The following UBE3B variants were observed in gnomAD, a reference collection of about 807,000 sequenced individuals.
The protein encoded by UBE3B is ubiquitin protein ligase E3B.
A neutral mutation model predicts 132.3 loss-of-function variants in UBE3B; 80 were observed. The ratio of observed to expected loss-of-function variants is 0.60; its 90% CI spans 0.50 to 0.73. The LOEUF (loss-of-function observed/expected upper bound fraction) is 0.73. Ranked by LOEUF, UBE3B falls within the 30% of genes least tolerant of loss-of-function variation. The probability of loss-of-function intolerance (pLI) is 0.00; values close to 1 mark genes in which losing one functional copy is unlikely to be tolerated. For synonymous variants in UBE3B, 487 were observed against 520.4 expected, an observed-to-expected ratio of 0.94 and a Z score of 0.87; for missense variants, 1,196 against 1,362.5, an observed-to-expected ratio of 0.88 and a Z score of 1.92.
the UBE3B span, among the ~76,000 whole-genome samples, chr12:109,543,556 A>C: frequency 1.3e-5 from 2 of 152,190 alleles, no homozygotes; most frequent in Non-Finnish European, 2.9e-5. Flanking sequence ...AGGATGCAGG[A>C]GGCTGGGCGT....
At chr12:109,539,364 C>G (rs1465592513), downstream of UBE3B, among the ~76,000 whole-genome samples, 1 of 152,248 alleles carries the variant, frequency 6.6e-6, no homozygotes, top group South Asian at 2.1e-4. Context: ...CTGACTGTTA[C>G]ACTTGTTGAG....
At chr12:109,517,169 G>A (rs530846557) in intron 19 of UBE3B, among the ~76,000 whole-genome samples, 16 of 152,244 alleles carry the variant, frequency 1.1e-4, no homozygotes, top group Admixed American at 1.0e-3. Context: ...TTTGAAATGA[G>A]GACAGGAGCT....
In UBE3B at chr12:109,511,148, A is replaced by G. The variant is rs575418595; in HGVS notation, c.1857-56A>G. On this transcript the variant is annotated intron_variant, in intron 17 of 27. Transcript: ENST00000342494. ...ACATGGTGTCATTTCCCAGCCTCAC[A>G]CTAGAGGATGGTTTCCTTCTTTTAA... 1.3e-5 allele frequency: 20 copies of G among 1,514,218 alleles called. No homozygotes were observed. In the African/African-American group the frequency reaches 2.7e-4, roughly 21 times the overall value. 93.8% of individuals were successfully genotyped at this position (1,514,218 alleles called of 1,614,324 possible). A position where few individuals can be genotyped will look rare whatever the true frequency, so the allele number is the denominator to read the frequency against.
chr12:109,478,802 A>G (rs1874809715), intron 1 of UBE3B, among the ~76,000 whole-genome samples: 1 of 152,216 alleles, frequency 6.6e-6, no homozygotes, highest in African/African-American at 2.4e-5. Flanking sequence ...GATTATCGAG[A>G]ACTGATAGAG....
At chr12:109,481,513 C>G (rs2135743373) in intron 1 of UBE3B, 124 bp from the exon 2 acceptor site, 2 of 152,168 alleles carry the variant, frequency 1.3e-5, no homozygotes. Flanking sequence ...AAAGAGGACC[C>G]AGTGGTGTTT....
intron 24 of UBE3B, 37 bp downstream of exon 24, chr12:109,526,453 G>A: frequency 6.3e-7 from 1 of 1,591,590 alleles, no homozygotes; most frequent in East Asian, 2.2e-5. Context: ...GTCACCACTT[G>A]AAAAGACTTC....
At chr12:109,491,191 C>A in intron 9 of UBE3B, 64 bp downstream of exon 9, 1 of 1,513,328 alleles carries the variant, frequency 6.6e-7, no homozygotes, top group South Asian at 1.1e-5. Flanking sequence ...CTTGGTTTTT[C>A]TTTCTCTCGT....
At chr12:109,532,380 A>G (rs1239129903) in intron 26 of UBE3B, among the ~76,000 whole-genome samples, 1 of 152,206 alleles carries the variant, frequency 6.6e-6, no homozygotes, top group African/African-American at 2.4e-5. Context: ...AGATCTTGTT[A>G]ATACTCTTTT....
chr12:109,498,199 A>G, intron 10 of UBE3B, 34 bp from the exon 11 acceptor site: 1 of 1,611,536 alleles, frequency 6.2e-7, no homozygotes, highest in Admixed American at 1.7e-5. Flanking sequence ...TGTTTCTGGC[A>G]GTTTCTGATT....
intron 23 of UBE3B, among the ~76,000 whole-genome samples, chr12:109,525,426 CAG>C (rs529728419): frequency 3.9e-4 from 59 of 152,192 alleles, no homozygotes; most frequent in Non-Finnish European, 7.2e-4. Flanking sequence ...TTCCTGGAAT[CAG>C]GGGAAACCTC....
At chr12:109,523,938 A>T (rs1881998325) in intron 21 of UBE3B, 40 bp from the exon 22 acceptor site, 3 of 1,611,304 alleles carry the variant, frequency 1.9e-6, no homozygotes. Context: ...CTGCATCAGA[A>T]TCCTGGCTGA....
At chr12:109,491,696 C>T (rs533579625) in intron 9 of UBE3B, 58 of 152,402 alleles carry the variant, frequency 3.8e-4, no homozygotes, top group African/African-American at 1.3e-3. Context: ...CATGTTTAAA[C>T]TGTCAAGGGG....
chr12:109,522,984 A>G lies in UBE3B; in HGVS notation c.2365-994A>G, dbSNP rs992703455. Among the ~76,000 whole-genome samples the G allele has an allele frequency of 1.3e-5, 2 of 152,220 alleles. No individual in the cohort carries two copies. Among genetic ancestry groups the G allele is most frequent in the Non-Finnish European group, 2.9e-5 (2 of 68,036 alleles). On this transcript the variant is annotated intron_variant, in intron 21 of 27. Coordinates refer to ENST00000342494, the MANE Select transcript of UBE3B (RefSeq NM_130466.4). The surrounding 1 kb of genome is among the most constrained non-coding windows in gnomAD (Gnocchi z 4.2). ...GAAGAGCCTGGGCCACCTGGAAAGCATGGCCTCCTGGCTTCTCTGAATGTC... is the reference window on the plus strand; with the variant it reads ...GAAGAGCCTGGGCCACCTGGAAAGCGTGGCCTCCTGGCTTCTCTGAATGTC...
chr12:109,480,008 T>C (rs1462072559), intron 1 of UBE3B, among the ~76,000 whole-genome samples: 3 of 152,100 alleles, frequency 2.0e-5, no homozygotes, highest in Non-Finnish European at 2.9e-5. Flanking sequence ...CTGAGGAGCT[T>C]GAATCTGTTA....
chr12:109,532,650 C>T (rs1219524060), intron 26 of UBE3B, among the ~76,000 whole-genome samples: 1 of 152,186 alleles, frequency 6.6e-6, no homozygotes, highest in Non-Finnish European at 1.5e-5. Context: ...ATGCCTCTCT[C>T]CAGGCACGAG....
rs775500082 is a variant in UBE3B at position 109,510,469 on chromosome 12, G to C, written c.1856+11G>C. 6.2e-7 allele frequency: 1 copy of C among 1,600,528 alleles called. No homozygotes were observed. Among genetic ancestry groups the C allele is most frequent in the South Asian group, 1.1e-5 (1 of 89,156 alleles). ...CCACTGGCTGCGAAAGTGAGCTCCAGGGGTGAGGAGGGCTCCATGGAAGCC... is the reference window on the plus strand; with the variant it reads ...CCACTGGCTGCGAAAGTGAGCTCCACGGGTGAGGAGGGCTCCATGGAAGCC... On this transcript the variant is annotated intron_variant, in intron 17 of 27. Coordinates refer to ENST00000342494, the MANE Select transcript of UBE3B (RefSeq NM_130466.4).
rs1043652436 is a variant in UBE3B, at chr12:109,483,581, A to G, written c.30A>G (p.Ala10=). The G allele has an allele frequency of 1.0e-5, 16 of 1,601,608 alleles. No homozygotes were observed. Among genetic ancestry groups the G allele is most frequent in the Non-Finnish European group, 1.4e-5 (16 of 1,176,316 alleles). Residue 10 remains alanine, a synonymous_variant, in exon 3 of 28, where the codon GCA becomes GCG. Transcript: ENST00000342494. ...TCACCCTGTCTCAGACCTCGAGAGC[A>G]TGGTTCATCGATAGAGCCCGTCAGG... MFTLSQTSR[A]WFIDRARQAR... is the part of the protein sequence containing the mutation.
chr12:109,478,322 AGCCCTGG>A (rs1874683214), intron 1 of UBE3B, among the ~76,000 whole-genome samples: 1 of 152,100 alleles, frequency 6.6e-6, no homozygotes, highest in African/African-American at 2.4e-5. Flanking sequence ...TGAACGGGGG[AGCCCTGG>A]ATCTTGTTTG....
chr12:109,505,486 T>TA (rs1879547205), intron 14 of UBE3B, among the ~76,000 whole-genome samples: 1 of 152,228 alleles, frequency 6.6e-6, no homozygotes, highest in Admixed American at 6.5e-5. Context: ...TAGGAGTATA[T>TA]TTGTGATCTC....
Sources: gnomAD v4.1 joint callset for allele counts (sites outside exome capture counted in the v4.1 genomes callset) on GRCh38, gnomAD v4.1.1 for gene constraint, Gnocchi (gnomAD v3.1) non-coding constraint, MANE v1.5 for transcripts, NCBI Gene and HGNC (gene_info 2026-07-23, HGNC 2026-07-21) for gene names.